Variants in EML4 observed in about 807,000 individuals in gnomAD.
EML4 encodes echinoderm microtubule-associated protein-like 4.
In EML4, 72 loss-of-function variants were observed where a neutral mutation model predicts 129.0. The observed-to-expected ratio is 0.56, with a 90% CI of 0.46 to 0.68. The LOEUF (loss-of-function observed/expected upper bound fraction) is 0.68, where lower values mean the gene tolerates loss of function less well. EML4 is among the 30% of genes least tolerant of loss of function. The probability of loss-of-function intolerance (pLI) is 0.00; values close to 1 mark genes in which losing one functional copy is unlikely to be tolerated. For missense variants in EML4, 1,363 were observed against 1,190.6 expected (o/e 1.14, Z -2.13); for synonymous variants, 532 against 405.0 (o/e 1.31, Z -3.77).
chr2:42,319,791 C>T (rs1382028601), intron 19 of EML4: 1 of 152,188 alleles, frequency 6.6e-6, no homozygotes, highest in Non-Finnish European at 1.5e-5. Flanking sequence ...TAGAACTACT[C>T]TCAAAGTTCC....
chr2:42,243,233 C>A (rs1675156886), intron 1 of EML4, among the ~76,000 whole-genome samples: 1 of 152,082 alleles, frequency 6.6e-6, no homozygotes, highest in Non-Finnish European at 1.5e-5. Context: ...ACAAGAGTGG[C>A]TATTCTTCCT....
chr2:42,177,771 A>G (rs910978258), intron 1 of EML4, among the ~76,000 whole-genome samples: 3 of 152,164 alleles, frequency 2.0e-5, no homozygotes, highest in Non-Finnish European at 1.5e-5. Flanking sequence ...CATGTGCATG[A>G]CCTGTTAATG....
chr2:42,256,728 A>G, intron 3 of EML4, 98 bp downstream of exon 3: 1 of 1,433,058 alleles, frequency 7.0e-7, no homozygotes. Flanking sequence ...AGCTGTTTGA[A>G]TTCAAGTGAG....
intron 1 of EML4, among the ~76,000 whole-genome samples, chr2:42,220,687 T>G (rs1471376578): frequency 6.6e-6 from 1 of 152,132 alleles, no homozygotes; most frequent in Non-Finnish European, 1.5e-5. Context: ...ATGATGAAGC[T>G]TAGATGAAGA....
chr2:42,206,007 C>T (rs1049745765), intron 1 of EML4, among the ~76,000 whole-genome samples: 3 of 151,988 alleles, frequency 2.0e-5, no homozygotes, highest in African/African-American at 7.3e-5. Context: ...TCATTTTTGC[C>T]TCTGAATTTC....
intron 2 of EML4, among the ~76,000 whole-genome samples, chr2:42,253,055 G>C (rs7581617): frequency 6.6e-6 from 1 of 152,148 alleles, no homozygotes; most frequent in African/African-American, 2.4e-5. Context: ...TGATGAATAC[G>C]TTACAGTTTA....
chr2:42,189,713 TATC>T (rs1671470382), intron 1 of EML4, among the ~76,000 whole-genome samples: 1 of 152,244 alleles, frequency 6.6e-6, no homozygotes, highest in African/African-American at 2.4e-5. Flanking sequence ...GCTGGTTTGA[TATC>T]ATACAGTTAG....
intron 17 of EML4, among the ~76,000 whole-genome samples, chr2:42,310,703 A>G (rs1004266238): frequency 6.6e-6 from 1 of 152,256 alleles, no homozygotes; most frequent in Admixed American, 6.5e-5. Flanking sequence ...ATGAAATAGT[A>G]AAAACTTAAA....
At chr2:42,247,179 A>G (rs149780224) in intron 2 of EML4, among the ~76,000 whole-genome samples, 1 of 152,302 alleles carries the variant, frequency 6.6e-6, no homozygotes, top group East Asian at 1.9e-4. Context: ...TGGGGTGGTA[A>G]TTGATGAGGC....
intron 1 of EML4, among the ~76,000 whole-genome samples, chr2:42,187,719 C>G (rs573581435): frequency 1.3e-5 from 2 of 151,906 alleles, no homozygotes; most frequent in Admixed American, 6.6e-5. Context: ...ATTTTATATG[C>G]TTTGGGTACA....
rs1367027366 is a variant in EML4, at chr2:42,273,617, AT to A, written c.668-7231del. ...CCCCCACCCCACTATGTAATTAAAA[AT>A]TCAGGAAATTTTATCAGCCAATAGA... On this transcript the variant is annotated intron_variant, in intron 6 of 22. Transcript: ENST00000318522. 6.6e-5 allele frequency among the ~76,000 whole-genome samples: 10 copies of A among 152,274 alleles called. No homozygotes were observed. In the East Asian group the frequency reaches 1.9e-3, roughly 29 times the overall value.
chr2:42,326,580 C>CA (rs1558616157), intron 21 of EML4, among the ~76,000 whole-genome samples: 1 of 152,186 alleles, frequency 6.6e-6, no homozygotes, highest in Non-Finnish European at 1.5e-5. Flanking sequence ...CCATACAATT[C>CA]ACCTAAAGTG....
At chr2:42,260,639 C>T (rs1182644245) in intron 3 of EML4, among the ~76,000 whole-genome samples, 1 of 152,058 alleles carries the variant, frequency 6.6e-6, no homozygotes, top group African/African-American at 2.4e-5. Flanking sequence ...CATAAACAGA[C>T]TTGGGGAAAA....
At chr2:42,308,007 A>G (rs1668709207) in intron 17 of EML4, among the ~76,000 whole-genome samples, 1 of 152,234 alleles carries the variant, frequency 6.6e-6, no homozygotes. Flanking sequence ...GCATGATCCA[A>G]AAAAAGTGAC....
At chr2:42,204,880 G>C (rs1240591505) in intron 1 of EML4, among the ~76,000 whole-genome samples, 1 of 152,214 alleles carries the variant, frequency 6.6e-6, no homozygotes, top group Non-Finnish European at 1.5e-5. Context: ...TAATGAATCT[G>C]TGTAAATGTT....
intron 17 of EML4, among the ~76,000 whole-genome samples, chr2:42,313,497 A>G (rs2103776587): frequency 6.6e-6 from 1 of 152,226 alleles, no homozygotes; most frequent in East Asian, 1.9e-4. Flanking sequence ...TGAATGCACT[A>G]AGCCACGTTA....
At chr2:42,198,965 G>A (rs1321848139) in intron 1 of EML4, among the ~76,000 whole-genome samples, 1 of 152,140 alleles carries the variant, frequency 6.6e-6, no homozygotes, top group African/African-American at 2.4e-5. Flanking sequence ...GAAGACCCAG[G>A]GGCCAAAAGT....
At chr2:42,217,185 T>C (rs1446391020) in intron 1 of EML4, among the ~76,000 whole-genome samples, 3 of 152,240 alleles carry the variant, frequency 2.0e-5, no homozygotes, top group Non-Finnish European at 4.4e-5. Flanking sequence ...CTATGACATA[T>C]GTATATTTAC....
chr2:42,192,224 G>GT (rs1316569841), intron 1 of EML4, among the ~76,000 whole-genome samples: 13 of 137,258 alleles, frequency 9.5e-5, no homozygotes, highest in South Asian at 9.2e-4. Flanking sequence ...TTTTTTTGTT[G>GT]TTTTTTTGTT....
Sources: allele counts gnomAD v4.1 joint callset (sites outside exome capture counted in the v4.1 genomes callset), GRCh38; gene constraint gnomAD v4.1.1; transcripts MANE v1.5; gene names NCBI Gene and HGNC (gene_info 2026-07-23, HGNC 2026-07-21).